Variants in PLEKHD1 observed in about 807,000 individuals in gnomAD.
The protein encoded by PLEKHD1 is pleckstrin homology and coiled-coil domain containing D1.
A neutral mutation model predicts 69.2 loss-of-function variants in PLEKHD1; 51 were observed. The ratio of observed to expected loss-of-function variants is 0.74; its 90% CI spans 0.59 to 0.93. The LOEUF (loss-of-function observed/expected upper bound fraction) is 0.93. Ranked by LOEUF, PLEKHD1 falls within the 40% of genes least tolerant of loss-of-function variation. The pLI is 0.00. For synonymous variants in PLEKHD1, 236 were observed against 244.7 expected (o/e 0.96, Z 0.33); for missense variants, 584 against 641.0 (o/e 0.91, Z 0.96).
intron 1 of PLEKHD1, among the ~76,000 whole-genome samples, chr14:69,495,767 G>T (rs1882875614): frequency 6.6e-6 from 1 of 152,152 alleles, no homozygotes; most frequent in African/African-American, 2.4e-5. Context: ...TCTCCTCAAA[G>T]ATTACCTTCT....
intron 1 of PLEKHD1, among the ~76,000 whole-genome samples, chr14:69,489,426 G>C (rs1479991363): frequency 6.6e-6 from 1 of 151,966 alleles, no homozygotes; most frequent in African/African-American, 2.4e-5. Context: ...AGGCATGGTG[G>C]TGGGTGCCTG....
At chr14:69,522,549 C>A (rs570711756) in intron 7 of PLEKHD1, among the ~76,000 whole-genome samples, 172 bp downstream of exon 7, 2 of 152,210 alleles carry the variant, frequency 1.3e-5, no homozygotes, top group South Asian at 4.1e-4. Context: ...TTTGAGTGTT[C>A]CCAGAAGAAT....
At chr14:69,492,578 G>A (rs1488792334) in intron 1 of PLEKHD1, among the ~76,000 whole-genome samples, 1 of 152,174 alleles carries the variant, frequency 6.6e-6, no homozygotes, top group Non-Finnish European at 1.5e-5. Context: ...GTATCCTCTT[G>A]ATGCTTTACA....
At chr14:69,516,605 C>T (rs927823792) in intron 6 of PLEKHD1, among the ~76,000 whole-genome samples, 1 of 151,996 alleles carries the variant, frequency 6.6e-6, no homozygotes, top group African/African-American at 2.4e-5. Flanking sequence ...ATCCTTCTTC[C>T]TGACCAAGAA....
In PLEKHD1 at chr14:69,528,561, G is replaced by C. The variant is rs1329635721; in HGVS notation, c.*142G>C. The C allele has an allele frequency of 8.5e-7, 1 of 1,179,832 alleles. No homozygotes were observed. Among genetic ancestry groups the C allele is most frequent in the African/African-American group, 1.5e-5 (1 of 64,626 alleles). The allele number at this position is 1,179,832 out of a possible 1,614,324, so 73.1% of individuals were successfully genotyped here. ...TCCTCTGGGCCGGAGCTCCACTTGGGGGCCAGCCTTGCCCTCAAAGGACAT... is the reference window on the plus strand; with the variant it reads ...TCCTCTGGGCCGGAGCTCCACTTGGCGGCCAGCCTTGCCCTCAAAGGACAT... On this transcript the variant is annotated 3_prime_UTR_variant, in exon 13 of 13. Coordinates refer to ENST00000322564, the MANE Select transcript of PLEKHD1 (RefSeq NM_001161498.2).
At chr14:69,469,342 A>T in the PLEKHD1 span, among the ~76,000 whole-genome samples, 1 of 152,134 alleles carries the variant, frequency 6.6e-6, no homozygotes, top group Non-Finnish European at 1.5e-5. Flanking sequence ...GGATACATTT[A>T]CAACTGTCTC....
rs1326832687 is a variant in PLEKHD1, at chr14:69,502,879, G to A, written c.555G>A (p.Glu185=). The A allele has an allele frequency of 1.3e-6, 2 of 1,551,698 alleles. No individual in the cohort carries two copies. The highest frequency in any genetic ancestry group is 1.7e-6 in the Non-Finnish European group (2 of 1,146,978). ...EELCLQREQR[E]ELERLNQVLE... is the part of the protein sequence containing the mutation. ...TCTGCCTTCAGAGGGAGCAGAGAGA[G>A]GTAGGTGCACACCAAGGGGCTCTCA... The change falls in exon 6 of 13, where the codon GAG becomes GAA. Residue 185 remains glutamate (E), a splice_region_variant and synonymous_variant. Coordinates refer to ENST00000322564, the MANE Select transcript of PLEKHD1 (RefSeq NM_001161498.2).
chr14:69,526,180 C>A, intron 9 of PLEKHD1, 58 bp downstream of exon 9: 2 of 1,471,248 alleles, frequency 1.4e-6, no homozygotes, highest in Non-Finnish European at 1.8e-6. Flanking sequence ...GGACTTTCCT[C>A]GAACTGGACA....
chr14:69,478,113 T>C, the PLEKHD1 span, among the ~76,000 whole-genome samples: 7 of 152,266 alleles, frequency 4.6e-5, no homozygotes, highest in Admixed American at 4.6e-4. Flanking sequence ...AATTCTTGAC[T>C]TCTCTGCACT....
intron 1 of PLEKHD1, among the ~76,000 whole-genome samples, chr14:69,499,581 G>A (rs1197537130): frequency 1.3e-5 from 2 of 152,218 alleles, no homozygotes; most frequent in Non-Finnish European, 2.9e-5. Flanking sequence ...GAAGGAGACT[G>A]GGGAGTAGCC....
intron 1 of PLEKHD1, among the ~76,000 whole-genome samples, chr14:69,488,399 G>A (rs531690277): frequency 7.9e-5 from 12 of 152,230 alleles, no homozygotes; most frequent in African/African-American, 2.2e-4. Context: ...TCAGCTTCAC[G>A]GCACTAGGCT....
At chr14:69,519,997 A>T (rs572692836) in intron 6 of PLEKHD1, among the ~76,000 whole-genome samples, 6 of 151,690 alleles carry the variant, frequency 4.0e-5, no homozygotes, top group South Asian at 2.1e-4. Flanking sequence ...CCCCCGCTGA[A>T]CTCTACTAAA....
rs747931085 is a variant in PLEKHD1 at position 69,500,592 on chromosome 14, G to A, written c.259G>A (p.Gly87Arg). 1 of 1,550,612 alleles carries A rather than the reference G, an allele frequency of 6.4e-7. No homozygotes were observed. The highest frequency in any genetic ancestry group is 1.2e-5 in the South Asian group (1 of 83,868). ...NIHPKGVIPL[G>R]GCLVEPKEEP... ...TCTTCCTCAGGGCGTCATCCCTCTG[G>A]GGGGCTGCCTGGTGGAGCCCAAGGA... Residue 87 changes from glycine to arginine, a missense_variant, in exon 3 of 13, where the codon GGG becomes AGG. Transcript: ENST00000322564.
At chr14:69,520,220 C>T (rs750003980) in intron 6 of PLEKHD1, among the ~76,000 whole-genome samples, 11 of 143,454 alleles carry the variant, frequency 7.7e-5, no homozygotes, top group Non-Finnish European at 1.4e-4. Context: ...TTGTTATTTT[C>T]CAGTGTAAGC....
chr14:69,481,594 A>C (rs1217441807), upstream of PLEKHD1, among the ~76,000 whole-genome samples: 1 of 152,206 alleles, frequency 6.6e-6, no homozygotes, highest in Non-Finnish European at 1.5e-5. Flanking sequence ...TCCCTCATTC[A>C]ACACATATTT....
At chr14:69,506,762 C>T (rs890204190) in intron 6 of PLEKHD1, among the ~76,000 whole-genome samples, 2 of 152,094 alleles carry the variant, frequency 1.3e-5, no homozygotes, top group Admixed American at 1.3e-4. Flanking sequence ...AGGGTTCACT[C>T]TTGGTGTTGT....
chr14:69,507,395 TTA>T (rs1883177039), intron 6 of PLEKHD1, among the ~76,000 whole-genome samples: 1 of 152,250 alleles, frequency 6.6e-6, no homozygotes, highest in South Asian at 2.1e-4. Context: ...TACAGTTTGT[TTA>T]TCCCTCTCCC....
At chr14:69,502,075 C>A in intron 5 of PLEKHD1, 1 of 404,902 alleles carries the variant, frequency 2.5e-6, no homozygotes, top group Non-Finnish European at 4.5e-6. Flanking sequence ...TGTCACCCAT[C>A]TCAGCTGTGT....
intron 1 of PLEKHD1, among the ~76,000 whole-genome samples, chr14:69,498,057 A>ATTTTATTTTATTTTAT (rs1555337189): frequency 1.6e-4 from 20 of 124,694 alleles, no homozygotes; most frequent in East Asian, 9.0e-4. Context: ...ATTTTATTTT[A>ATTTTATTTTATTTTAT]TTTATTTTAT....
Sources: allele counts gnomAD v4.1 joint callset (sites outside exome capture counted in the v4.1 genomes callset), GRCh38; gene constraint gnomAD v4.1.1; transcripts MANE v1.5; gene names NCBI Gene and HGNC (gene_info 2026-07-23, HGNC 2026-07-21).